FER: variants seen among roughly 807,000 people sequenced by gnomAD.
FER encodes the protein tyrosine-protein kinase Fer.
A neutral mutation model predicts 111.0 loss-of-function variants in FER; 63 were observed. That is an observed-to-expected ratio of 0.57 (90% CI 0.46 to 0.70). The LOEUF (loss-of-function observed/expected upper bound fraction) is 0.70, where lower values mean the gene tolerates loss of function less well. Ranked by LOEUF, FER falls within the 30% of genes least tolerant of loss-of-function variation. FER has a pLI of 0.00. For missense variants in FER, 914 were observed against 954.0 expected (o/e 0.96, Z 0.55); for synonymous variants, 327 against 313.9 (o/e 1.04, Z -0.44).
intron 13 of FER, among the ~76,000 whole-genome samples, chr5:108,983,239 G>A (rs1400094870): frequency 6.6e-6 from 1 of 151,904 alleles, no homozygotes; most frequent in African/African-American, 2.4e-5. Flanking sequence ...TTCTGAAAAA[G>A]GAATTACTAG....
At chr5:109,060,772 G>GTGTA (rs1554128964) in intron 16 of FER, among the ~76,000 whole-genome samples, 109 of 133,600 alleles carry the variant, frequency 8.2e-4, no homozygotes, top group Non-Finnish European at 1.5e-3. Context: ...GTGTGTGTGT[G>GTGTA]TATATATATA....
intron 17 of FER, among the ~76,000 whole-genome samples, chr5:109,143,243 A>G (rs1372383470): frequency 2.6e-5 from 4 of 152,148 alleles, no homozygotes; most frequent in Non-Finnish European, 5.9e-5. Flanking sequence ...TCACTCCTCT[A>G]GCCCAATCCA....
chr5:108,969,514 C>T (rs1760339435), intron 13 of FER, among the ~76,000 whole-genome samples: 1 of 151,776 alleles, frequency 6.6e-6, no homozygotes. Flanking sequence ...AAAAATAATA[C>T]AATAAACAAT....
chr5:108,921,674 C>T (rs1001794886), intron 10 of FER, among the ~76,000 whole-genome samples: 3 of 152,000 alleles, frequency 2.0e-5, no homozygotes, highest in Non-Finnish European at 2.9e-5. Flanking sequence ...TAAGCTACTT[C>T]GATTTTAGAA....
rs753689085 is a variant in FER, at chr5:109,165,618, GTGTGTGTGTGTGTGTGTGTGTA to G, written c.2049-15127_2049-15106del. 2.2e-3 allele frequency among the ~76,000 whole-genome samples: 321 copies of G among 146,294 alleles called. 2 individuals carry two copies. Among genetic ancestry groups the G allele is most frequent in the Middle Eastern group, 0.017 (5 of 290 alleles). On this transcript the variant is annotated intron_variant, in intron 17 of 19. Coordinates refer to ENST00000281092, the MANE Select transcript of FER (RefSeq NM_005246.4). ...GGTGTGTGTGTGTGTGTGTGTGTGT[GTGTGTGTGTGTGTGTGTGTGTA>G]TACACACATATATATCACAGACTCA...
At chr5:109,038,291 C>CA (rs1166266299) in intron 14 of FER, among the ~76,000 whole-genome samples, 33 of 151,690 alleles carry the variant, frequency 2.2e-4, no homozygotes, top group African/African-American at 7.7e-4. Context: ...TGGTGTGATA[C>CA]AAAAAATAGT....
intron 10 of FER, among the ~76,000 whole-genome samples, chr5:108,900,577 T>C (rs1371217436): frequency 2.0e-5 from 3 of 152,174 alleles, no homozygotes; most frequent in African/African-American, 7.2e-5. Context: ...ATTAAACTAT[T>C]GTATCATGGA....
chr5:109,016,772 C>T (rs554556838), intron 13 of FER, among the ~76,000 whole-genome samples: 1 of 151,946 alleles, frequency 6.6e-6, no homozygotes, highest in African/African-American at 2.4e-5. Flanking sequence ...TTATTATGTG[C>T]TATGCACAGA....
intron 17 of FER, among the ~76,000 whole-genome samples, chr5:109,135,838 C>A (rs1372102594): frequency 2.6e-5 from 4 of 152,266 alleles, no homozygotes; most frequent in African/African-American, 9.6e-5. Context: ...AGGTGAAGTT[C>A]TAATAACCAG....
At chr5:109,110,422 G>T (rs1427827302) in intron 17 of FER, among the ~76,000 whole-genome samples, 1 of 152,028 alleles carries the variant, frequency 6.6e-6, no homozygotes, top group African/African-American at 2.4e-5. Context: ...CTGGCAATGA[G>T]CATTGGAACT....
At chr5:109,005,541 A>G (rs115891302) in intron 13 of FER, among the ~76,000 whole-genome samples, 1,601 of 152,334 alleles carry the variant, frequency 0.011, 24 homozygotes, top group African/African-American at 0.036. Context: ...ATACTCCCAG[A>G]CACATACAAA....
At chr5:108,848,648 A>C (rs948038578) in intron 5 of FER, among the ~76,000 whole-genome samples, 3 of 151,782 alleles carry the variant, frequency 2.0e-5, no homozygotes, top group Non-Finnish European at 4.4e-5. Context: ...TATATATTTT[A>C]CTTTTGCTTA....
intron 5 of FER, chr5:108,843,019 T>G (rs1761433680): frequency 6.6e-6 from 1 of 152,202 alleles, no homozygotes; most frequent in Non-Finnish European, 1.5e-5. Flanking sequence ...AATAAACAAG[T>G]GGATAAAGAA....
In FER at chr5:109,169,088, G is replaced by A. The variant is rs561688072; in HGVS notation, c.2049-11659G>A. ...TAATCCTTCATGAATGCACAATGCA[G>A]ATTTTTTGTGGATTACATCAAAGAA... On this transcript the variant is annotated intron_variant, in intron 17 of 19. Transcript: ENST00000281092. 4.6e-5 allele frequency among the ~76,000 whole-genome samples: 7 copies of A among 152,254 alleles called. No individual in the cohort carries two copies. The East Asian group carries it at 1.2e-3, about 25-fold the overall frequency.
chr5:109,076,408 T>C (rs987521102), intron 16 of FER, among the ~76,000 whole-genome samples: 1 of 152,144 alleles, frequency 6.6e-6, no homozygotes, highest in African/African-American at 2.4e-5. Context: ...TGTACTTTTT[T>C]ATAGCATTCT....
At chr5:108,839,646 C>T (rs6889965) in intron 5 of FER, among the ~76,000 whole-genome samples, 12,297 of 144,508 alleles carry the variant, frequency 0.085, 637 homozygotes, top group African/African-American at 0.16. Flanking sequence ...GGCGCTGTCT[C>T]GGCTCACTGC....
chr5:108,979,831 ATAAT>A (rs1297163524), intron 13 of FER, among the ~76,000 whole-genome samples: 1 of 152,152 alleles, frequency 6.6e-6, no homozygotes, highest in Non-Finnish European at 1.5e-5. Context: ...TACAAGTTGA[ATAAT>A]TACCCTCAGA....
chr5:108,790,072 T>C (rs986851992), intron 2 of FER, among the ~76,000 whole-genome samples: 5 of 152,142 alleles, frequency 3.3e-5, no homozygotes, highest in African/African-American at 4.8e-5. Context: ...GTGCCTGTAG[T>C]TTCAGCTACT....
At position 108,882,834 on chromosome 5, in the gene FER, G is replaced by A. The variant is rs75073359; in HGVS notation, c.924-562G>A. 1.3e-4 allele frequency among the ~76,000 whole-genome samples: 20 copies of A among 151,546 alleles called. No individual in the cohort carries two copies. In the East Asian group the frequency reaches 1.8e-3, roughly 13 times the overall value. On this transcript the variant is annotated intron_variant, in intron 8 of 19. Transcript: ENST00000281092. ...TACAAACATAAATTATCTGGTTTGTGAGCGCATATTAATTTATGTATTAAA... is the reference window on the plus strand; with the variant it reads ...TACAAACATAAATTATCTGGTTTGTAAGCGCATATTAATTTATGTATTAAA...
Sources: gnomAD v4.1 joint callset for allele counts (sites outside exome capture counted in the v4.1 genomes callset) on GRCh38, gnomAD v4.1.1 for gene constraint, MANE v1.5 for transcripts, NCBI Gene and HGNC (gene_info 2026-07-23, HGNC 2026-07-21) for gene names.